MAML3: variants seen among roughly 807,000 people sequenced by gnomAD.
MAML3 encodes the protein mastermind-like protein 3.
In MAML3, 27 loss-of-function variants were observed where a neutral mutation model predicts 101.9. The ratio of observed to expected loss-of-function variants is 0.27; its 90% CI spans 0.20 to 0.37. The LOEUF is 0.37. MAML3 is among the 10% of genes least tolerant of loss of function. MAML3 has a pLI of 1.00. For synonymous variants in MAML3, 501 were observed against 555.9 expected (o/e 0.90, Z 1.39); for missense variants, 1,316 against 1,444.9 (o/e 0.91, Z 1.45).
chr4:140,008,062 A>G (rs1437699255), intron 1 of MAML3, among the ~76,000 whole-genome samples: 2 of 152,244 alleles, frequency 1.3e-5, no homozygotes, highest in African/African-American at 4.8e-5. Flanking sequence ...GTTAGATTTT[A>G]GGCTGGGCGC....
chr4:139,928,660 CAG>C lies in MAML3; in HGVS notation c.469-37695_469-37694del, dbSNP rs138978512. ...AGTAAGGCAAGGCATGTCAAGGAAA[CAG>C]AAAAGCTGTGTGTCTGGGTGGGAAA... On this transcript the variant is annotated intron_variant, in intron 1 of 4. Coordinates refer to ENST00000509479, the MANE Select transcript of MAML3 (RefSeq NM_018717.5). Among the ~76,000 whole-genome samples the C allele has an allele frequency of 1.1e-3, 162 of 152,150 alleles. 1 individual carries two copies. In the East Asian group the frequency reaches 0.027, roughly 25 times the overall value.
At chr4:139,883,608 C>T (rs1732263787) in intron 2 of MAML3, among the ~76,000 whole-genome samples, 2 of 152,050 alleles carry the variant, frequency 1.3e-5, no homozygotes, top group African/African-American at 2.4e-5. Context: ...CTGCACCCCC[C>T]ATCTTCTGTA....
At chr4:140,027,468 A>G (rs961852066) in intron 1 of MAML3, among the ~76,000 whole-genome samples, 4 of 152,226 alleles carry the variant, frequency 2.6e-5, no homozygotes, top group Non-Finnish European at 4.4e-5. Context: ...CGTGCTCTGC[A>G]CAGAACACTG....
chr4:139,905,791 A>G (rs759845539), intron 1 of MAML3, among the ~76,000 whole-genome samples: 15 of 152,056 alleles, frequency 9.9e-5, no homozygotes, highest in Non-Finnish European at 1.3e-4. Context: ...CTGTGGTCCA[A>G]ATTTCCTCTT....
At chr4:139,975,176 T>C (rs1344550025) in intron 1 of MAML3, among the ~76,000 whole-genome samples, 2 of 152,086 alleles carry the variant, frequency 1.3e-5, no homozygotes, top group Non-Finnish European at 2.9e-5. Context: ...CAGCATCTGC[T>C]TCTTCCACCC....
intron 2 of MAML3, among the ~76,000 whole-genome samples, chr4:139,776,108 CACAG>C (rs1407354049): frequency 7.2e-5 from 11 of 152,212 alleles, no homozygotes; most frequent in Non-Finnish European, 1.3e-4. Context: ...AATGCATCTG[CACAG>C]ACAATCTTCC....
At chr4:139,828,612 C>T (rs927599241) in intron 2 of MAML3, among the ~76,000 whole-genome samples, 5 of 151,040 alleles carry the variant, frequency 3.3e-5, no homozygotes, top group African/African-American at 1.2e-4. Context: ...TTAAATACAA[C>T]ATAATAAATG....
intron 2 of MAML3, among the ~76,000 whole-genome samples, chr4:139,817,233 T>A (rs1445765890): frequency 1.3e-5 from 2 of 152,226 alleles, no homozygotes; most frequent in African/African-American, 4.8e-5. Context: ...AATGGATGGA[T>A]GGATGGATGA....
Position 139,719,836 on chromosome 4 carries a change from C to A in MAML3, c.2904G>T (p.Leu968Phe). Residue 968 changes from leucine to phenylalanine, a missense_variant, in exon 5 of 5, where the codon TTG (leucine) becomes TTT (phenylalanine). Transcript: ENST00000509479. The stretch of plus-strand genomic sequence containing the variant: ...CACTAGTCCTCCCAGGCATGCCCTG[C>A]AAGCTCCTCTGTTGCCAGCTTTGTG... ...QGAQSWQQRS[L>F]QGMPGRTSGE... 1 of 1,613,638 alleles carries A rather than the reference C, an allele frequency of 6.2e-7. No homozygotes were observed.
intron 1 of MAML3, among the ~76,000 whole-genome samples, chr4:140,151,220 G>C (rs1729159865): frequency 1.3e-5 from 2 of 152,042 alleles, no homozygotes; most frequent in East Asian, 1.9e-4. Context: ...GGAAGGGGAG[G>C]GGGAGGAGGA....
intron 1 of MAML3, among the ~76,000 whole-genome samples, chr4:139,959,412 T>C (rs1733968349): frequency 6.6e-6 from 1 of 152,196 alleles, no homozygotes; most frequent in Non-Finnish European, 1.5e-5. Context: ...GCACTTTAGT[T>C]CTTAAAATGC....
Position 140,151,216 on chromosome 4 carries a change from G to A in MAML3, c.468+1644C>T, listed in dbSNP as rs1057057795. Among the ~76,000 whole-genome samples the A allele has an allele frequency of 6.6e-5, 10 of 152,102 alleles. No homozygotes were observed. The East Asian group carries it at 9.7e-4, about 15-fold the overall frequency. On this transcript the variant is annotated intron_variant, in intron 1 of 4. Transcript: ENST00000509479. ...GAGGAGGAGGAAGGGAGGAGGAAGG[G>A]GAGGGGGAGGAGGAAGAGGAGGAGG...
intron 1 of MAML3, among the ~76,000 whole-genome samples, chr4:140,092,440 A>T (rs992663751): frequency 6.6e-6 from 1 of 152,238 alleles, no homozygotes; most frequent in South Asian, 2.1e-4. Flanking sequence ...CGGGTGAGGC[A>T]TGTTAACCGA....
chr4:139,984,495 C>T (rs777134271), intron 1 of MAML3, among the ~76,000 whole-genome samples: 1 of 152,130 alleles, frequency 6.6e-6, no homozygotes, highest in South Asian at 2.1e-4. Context: ...GATTAGGCAT[C>T]CACTTATTAT....
chr4:140,135,734 A>G (rs1728872029), intron 1 of MAML3, among the ~76,000 whole-genome samples: 1 of 152,244 alleles, frequency 6.6e-6, no homozygotes, highest in Non-Finnish European at 1.5e-5. Context: ...ATGGCACCAT[A>G]TGCTCCACAA....
intron 2 of MAML3, among the ~76,000 whole-genome samples, chr4:139,752,569 G>A (rs1240384443): frequency 1.3e-5 from 2 of 152,154 alleles, no homozygotes; most frequent in Non-Finnish European, 2.9e-5. Context: ...GGAAGCTTTG[G>A]AAGCCAGGAC....
chr4:140,008,254 G>A (rs1300271410), intron 1 of MAML3, among the ~76,000 whole-genome samples: 1 of 152,206 alleles, frequency 6.6e-6, no homozygotes, highest in Non-Finnish European at 1.5e-5. Context: ...AGCTGAGGCA[G>A]GAGAATCGCT....
At chr4:140,130,097 A>G (rs1426468991) in intron 1 of MAML3, among the ~76,000 whole-genome samples, 1 of 152,262 alleles carries the variant, frequency 6.6e-6, no homozygotes, top group East Asian at 1.9e-4. Context: ...GAAAGATAAA[A>G]GACGGATAAG....
At chr4:139,853,396 G>A (rs548845418) in intron 2 of MAML3, among the ~76,000 whole-genome samples, 7 of 152,306 alleles carry the variant, frequency 4.6e-5, no homozygotes, top group Admixed American at 1.3e-4. Context: ...CAAAGAGACA[G>A]TAGGGCAGGT....
Sources: gnomAD v4.1 joint callset for allele counts (sites outside exome capture counted in the v4.1 genomes callset) on GRCh38, gnomAD v4.1.1 for gene constraint, MANE v1.5 for transcripts, NCBI Gene and HGNC (gene_info 2026-07-23, HGNC 2026-07-21) for gene names.